CNTN5: variants seen among roughly 807,000 people sequenced by gnomAD.
CNTN5 encodes contactin-5.
CNTN5 carries 77 observed loss-of-function variants against 129.1 expected under a neutral mutation model. The ratio of observed to expected loss-of-function variants is 0.60; its 90% CI spans 0.50 to 0.72. The LOEUF (loss-of-function observed/expected upper bound fraction) is 0.72. Among genes scored for constraint, CNTN5 ranks in the 30% least tolerant of loss-of-function variants. CNTN5 has a pLI of 0.00. For missense variants in CNTN5, 1,478 were observed against 1,328.8 expected, an observed-to-expected ratio of 1.11 and a Z score of -1.75; for synonymous variants, 509 against 465.6, an observed-to-expected ratio of 1.09 and a Z score of -1.20.
At chr11:100,129,337 T>C (rs1025958368) in intron 13 of CNTN5, among the ~76,000 whole-genome samples, 1 of 152,160 alleles carries the variant, frequency 6.6e-6, no homozygotes, top group Non-Finnish European at 1.5e-5. Flanking sequence ...TCAAAGTAGA[T>C]TTGTCTTAAT....
At chr11:99,539,476 C>T (rs11220367) in intron 2 of CNTN5, among the ~76,000 whole-genome samples, 12,640 of 151,630 alleles carry the variant, frequency 0.083, 609 homozygotes, top group African/African-American at 0.12. Context: ...AAATCTTAAG[C>T]TGAAAGAGAA....
intron 2 of CNTN5, among the ~76,000 whole-genome samples, chr11:99,365,096 G>C (rs549649984): frequency 6.6e-6 from 1 of 152,226 alleles, no homozygotes; most frequent in African/African-American, 2.4e-5. Flanking sequence ...TTAAGAGCAT[G>C]CCTGAGTTTG....
intron 1 of CNTN5, among the ~76,000 whole-genome samples, chr11:99,035,088 G>C (rs1273685402): frequency 1.3e-5 from 2 of 150,682 alleles, no homozygotes; most frequent in Non-Finnish European, 3.0e-5. Flanking sequence ...TTTTGAGTGA[G>C]ATTCTTAATC....
At chr11:99,122,623 A>G (rs963066203) in intron 1 of CNTN5, among the ~76,000 whole-genome samples, 4 of 152,054 alleles carry the variant, frequency 2.6e-5, no homozygotes, top group Non-Finnish European at 5.9e-5. Flanking sequence ...GGGGTTTAGT[A>G]TACAGATTAT....
chr11:99,496,422 TAAG>T (rs1946228859), intron 2 of CNTN5, among the ~76,000 whole-genome samples: 1 of 152,210 alleles, frequency 6.6e-6, no homozygotes, highest in South Asian at 2.1e-4. Context: ...CTCATAAATC[TAAG>T]GAGAAGAATG....
At position 100,075,437 on chromosome 11, in the gene CNTN5, A is replaced by G. The variant is rs573181357; in HGVS notation, c.1580+1143A>G. Among the ~76,000 whole-genome samples, 20 of 152,306 alleles carry G rather than the reference A, an allele frequency of 1.3e-4. 1 individual carries two copies. Among genetic ancestry groups the G allele is most frequent in the East Asian group, 9.7e-4 (5 of 5,178 alleles). On this transcript the variant is annotated intron_variant, in intron 13 of 24. Transcript: ENST00000524871. ...AAAGACAGGCTAACAAGAGAAAAAC[A>G]TAACACATTTATTTAATCAAAGTTT...
chr11:99,737,788 C>G (rs922033520), intron 3 of CNTN5, among the ~76,000 whole-genome samples: 4 of 152,070 alleles, frequency 2.6e-5, no homozygotes, highest in Admixed American at 2.0e-4. Context: ...AGATTTGTTA[C>G]TCGACTAAGC....
intron 8 of CNTN5, among the ~76,000 whole-genome samples, chr11:99,987,300 T>C (rs7933349): frequency 6.6e-6 from 1 of 151,712 alleles, no homozygotes; most frequent in Non-Finnish European, 1.5e-5. Context: ...AAAACAGATA[T>C]GGAACAAATG....
At chr11:99,554,581 G>T (rs192816491) in intron 2 of CNTN5, among the ~76,000 whole-genome samples, 3 of 152,052 alleles carry the variant, frequency 2.0e-5, no homozygotes, top group Admixed American at 6.6e-5. Flanking sequence ...TAAATAGAGC[G>T]AGAAGTACCA....
At chr11:99,175,504 T>A (rs1273342116) in intron 1 of CNTN5, among the ~76,000 whole-genome samples, 2 of 152,086 alleles carry the variant, frequency 1.3e-5, no homozygotes, top group Non-Finnish European at 2.9e-5. Context: ...AAGAGATAGT[T>A]TTGTTTGATT....
At chr11:100,038,718 T>G (rs1004286293) in intron 9 of CNTN5, among the ~76,000 whole-genome samples, 5 of 152,202 alleles carry the variant, frequency 3.3e-5, no homozygotes, top group African/African-American at 1.2e-4. Context: ...TTTACCATTA[T>G]GTAATGGCCT....
intron 3 of CNTN5, among the ~76,000 whole-genome samples, chr11:99,574,591 G>A (rs2851611): frequency 0.91 from 139,032 of 152,200 alleles, 64,063 homozygotes; most frequent in Non-Finnish European, 0.99. Context: ...ACTTTTTCAT[G>A]ATCACCATTC....
At chr11:99,117,052 G>T (rs1858076888) in intron 1 of CNTN5, among the ~76,000 whole-genome samples, 1 of 151,920 alleles carries the variant, frequency 6.6e-6, no homozygotes, top group Non-Finnish European at 1.5e-5. Flanking sequence ...TAGTAAAAGA[G>T]GTGAGAGGAA....
At chr11:99,995,885 G>C (rs774028247) in intron 8 of CNTN5, among the ~76,000 whole-genome samples, 1 of 152,140 alleles carries the variant, frequency 6.6e-6, no homozygotes, top group East Asian at 1.9e-4. Flanking sequence ...GACCTATCCA[G>C]TCTCACTGCT....
At position 99,858,737 on chromosome 11, in the gene CNTN5, GAAAA is replaced by G. The variant is rs67393369; in HGVS notation, c.577+13481_577+13484del. Reference sequence around the variant, plus strand: ...AATTGATTTACCTCATTTTAGAAATGAAAAAAAAAGGCTTTGCTCATAAAATAGA... The same window carrying G: ...AATTGATTTACCTCATTTTAGAAATGAAAAAGGCTTTGCTCATAAAATAGA... On this transcript the variant is annotated intron_variant, in intron 6 of 24. Transcript: ENST00000524871. Among the ~76,000 whole-genome samples the G allele has an allele frequency of 6.2e-5, 9 of 146,008 alleles. 1 individual carries two copies. The highest frequency in any genetic ancestry group is 2.3e-4 in the African/African-American group (9 of 39,954).
intron 3 of CNTN5, among the ~76,000 whole-genome samples, chr11:99,697,698 T>C (rs1353144194): frequency 1.3e-5 from 2 of 151,636 alleles, no homozygotes; most frequent in East Asian, 3.9e-4. Context: ...TCTATCAATA[T>C]AGATTCACTA....
chr11:99,867,042 A>C (rs1309046486), intron 6 of CNTN5, among the ~76,000 whole-genome samples: 1 of 152,248 alleles, frequency 6.6e-6, no homozygotes, highest in Non-Finnish European at 1.5e-5. Context: ...AGAAGTCTTC[A>C]ATCCCAAAGC....
chr11:99,066,418 C>T (rs186408159), intron 1 of CNTN5, among the ~76,000 whole-genome samples: 1 of 152,022 alleles, frequency 6.6e-6, no homozygotes, highest in African/African-American at 2.4e-5. Flanking sequence ...AATATTTATT[C>T]TAATGGCCAT....
In CNTN5 at chr11:100,059,634, A is replaced by G. The variant is rs189412765; in HGVS notation, c.981-1578A>G. Among the ~76,000 whole-genome samples, 1,222 of 152,316 alleles carry G rather than the reference A, an allele frequency of 8.0e-3. 8 individuals are homozygous for G. Among genetic ancestry groups the G allele is most frequent in the Non-Finnish European group, 0.013 (882 of 68,030 alleles). On this transcript the variant is annotated intron_variant, in intron 9 of 24. Coordinates refer to ENST00000524871, the MANE Select transcript of CNTN5 (RefSeq NM_014361.4). ...AGGGTTCAGGAAAATATTAAGCAATAAAATACCATTTTTTGCCCTATAAAT... is the reference window on the plus strand; with the variant it reads ...AGGGTTCAGGAAAATATTAAGCAATGAAATACCATTTTTTGCCCTATAAAT...
Sources: gnomAD v4.1 joint callset for allele counts (sites outside exome capture counted in the v4.1 genomes callset) on GRCh38, gnomAD v4.1.1 for gene constraint, MANE v1.5 for transcripts, NCBI Gene and HGNC (gene_info 2026-07-23, HGNC 2026-07-21) for gene names.